FBN2: variants seen among roughly 807,000 people sequenced by gnomAD.
The protein encoded by FBN2 is fibrillin-2.
A neutral mutation model predicts 355.6 loss-of-function variants in FBN2; 105 were observed. That is an observed-to-expected ratio of 0.30 (90% CI 0.25 to 0.35). The LOEUF is 0.35. FBN2 is among the 10% of genes least tolerant of loss of function. The pLI is 1.00. For missense variants in FBN2, 3,280 were observed against 3,758.7 expected (o/e 0.87, Z 3.33); for synonymous variants, 1,350 against 1,301.2 (o/e 1.04, Z -0.81).
intron 7 of FBN2, among the ~76,000 whole-genome samples, chr5:128,424,740 C>A (rs911088701): frequency 6.6e-6 from 1 of 152,096 alleles, no homozygotes; most frequent in Admixed American, 6.5e-5. Context: ...ATGAAAGGTT[C>A]CCTTTTGGCC....
chr5:128,505,364 G>A (rs144400999), intron 5 of FBN2, among the ~76,000 whole-genome samples: 37 of 152,246 alleles, frequency 2.4e-4, no homozygotes, highest in Admixed American at 1.4e-3. Context: ...CTAACCACAA[G>A]TAGAAAAAAA....
At chr5:128,279,995 A>G (rs1398804823) in intron 56 of FBN2, among the ~76,000 whole-genome samples, 197 bp downstream of exon 56, 1 of 152,234 alleles carries the variant, frequency 6.6e-6, no homozygotes, top group East Asian at 1.9e-4. Context: ...TTTACATTAC[A>G]CATAGATGTG....
At chr5:128,522,566 C>T (rs915531643) in intron 4 of FBN2, among the ~76,000 whole-genome samples, 1 of 152,100 alleles carries the variant, frequency 6.6e-6, no homozygotes, top group African/African-American at 2.4e-5. Flanking sequence ...AACTATAGAA[C>T]ATTTGTACGA....
intron 8 of FBN2, among the ~76,000 whole-genome samples, chr5:128,405,032 G>C (rs375487867): frequency 6.6e-6 from 1 of 152,172 alleles, no homozygotes; most frequent in South Asian, 2.1e-4. Context: ...ATTAGCCAGC[G>C]TAGTGGTGGG....
intron 33 of FBN2, among the ~76,000 whole-genome samples, chr5:128,330,340 A>C (rs1318253431): frequency 6.6e-6 from 1 of 152,240 alleles, no homozygotes; most frequent in African/African-American, 2.4e-5. Flanking sequence ...AGTCATTAAC[A>C]GTACATGATT....
Position 128,291,614 on chromosome 5 carries a change from A to C in FBN2, c.6207T>G (p.Phe2069Leu), listed in dbSNP as rs1749324874. Residue 2069 changes from phenylalanine (F) to leucine (L), a missense_variant, in exon 49 of 65, where the codon TTT (phenylalanine) becomes TTG (leucine). Transcript: ENST00000262464. ...ECDEDPNICLFGSCTNTPGGF... is the reference protein window; with the variant it reads ...ECDEDPNICLLGSCTNTPGGF... ...CCCCTGGAGTATTAGTACAGGAACC[A>C]AAAAGACAAATGTTGGGATCTTCAT... 6.2e-7 allele frequency: 1 copy of C among 1,613,248 alleles called. No individual in the cohort carries two copies. The highest frequency in any genetic ancestry group is 8.5e-7 in the Non-Finnish European group (1 of 1,179,332).
At chr5:128,357,096 G>A (rs1751520197) in intron 20 of FBN2, among the ~76,000 whole-genome samples, 180 bp downstream of exon 20, 1 of 152,120 alleles carries the variant, frequency 6.6e-6, no homozygotes, top group African/African-American at 2.4e-5. Flanking sequence ...AAATTGAATA[G>A]GCTGCCTAAT....
At chr5:128,461,911 A>G (rs1218351410) in intron 6 of FBN2, among the ~76,000 whole-genome samples, 1 of 152,212 alleles carries the variant, frequency 6.6e-6, no homozygotes, top group Non-Finnish European at 1.5e-5. Flanking sequence ...ACCATGGTAC[A>G]CATATACTCC....
chr5:128,486,366 C>A (rs1452314467), intron 5 of FBN2, among the ~76,000 whole-genome samples: 1 of 152,074 alleles, frequency 6.6e-6, no homozygotes, highest in Non-Finnish European at 1.5e-5. Flanking sequence ...ACCCCATTGA[C>A]AACTAATCAA....
intron 51 of FBN2, among the ~76,000 whole-genome samples, chr5:128,289,610 A>G (rs1749262386): frequency 6.6e-6 from 1 of 152,024 alleles, no homozygotes; most frequent in Admixed American, 6.6e-5. Flanking sequence ...AATAAATAAA[A>G]TAAAAATAAA....
In FBN2 at chr5:128,368,435, C is replaced by CATATATACATATATATACACATATATAT. The variant is rs1163347083; in HGVS notation, c.2248+746_2248+747insATATATATGTGTATATATATGTATATAT. Among the ~76,000 whole-genome samples, 14 of 136,960 alleles carry CATATATACATATATATACACATATATAT rather than the reference C, an allele frequency of 1.0e-4. No individual in the cohort carries two copies. In the East Asian group the frequency reaches 1.5e-3, roughly 15 times the overall value. 89.9% of individuals were successfully genotyped at this position (136,960 alleles called of 152,430 possible). A position where few individuals can be genotyped will look rare whatever the true frequency, so the allele number is the denominator to read the frequency against. On this transcript the variant is annotated intron_variant, in intron 16 of 64. Coordinates refer to ENST00000262464, the MANE Select transcript of FBN2 (RefSeq NM_001999.4). The stretch of plus-strand genomic sequence containing the variant: ...GTGTGTGTGTGTATATATATATATA[C>CATATATACATATATATACACATATATAT]ACATATATACATATATATACACATA...
At chr5:128,456,311 C>T (rs1754393133) in intron 6 of FBN2, among the ~76,000 whole-genome samples, 1 of 152,100 alleles carries the variant, frequency 6.6e-6, no homozygotes, top group Non-Finnish European at 1.5e-5. Context: ...GGCCTGAGCC[C>T]CTAGGGGGAG....
intron 5 of FBN2, among the ~76,000 whole-genome samples, chr5:128,505,958 T>C (rs1755947732): frequency 6.6e-6 from 1 of 152,178 alleles, no homozygotes. Flanking sequence ...AGTTTTTGTA[T>C]GAATATAAGC....
intron 8 of FBN2, 28 bp downstream of exon 8, chr5:128,408,646 T>C: frequency 6.2e-7 from 1 of 1,613,614 alleles, no homozygotes; most frequent in Non-Finnish European, 8.5e-7. Context: ...AGACCCAGTG[T>C]ATTGAGCCTT....
intron 48 of FBN2, among the ~76,000 whole-genome samples, chr5:128,298,838 G>A (rs191726564): frequency 6.6e-5 from 10 of 152,302 alleles, no homozygotes; most frequent in African/African-American, 1.4e-4. Context: ...CTCTCAGCTC[G>A]TCAAAGTTAT....
intron 21 of FBN2, 35 bp downstream of exon 21, chr5:128,350,833 A>G: frequency 8.1e-6 from 13 of 1,612,958 alleles, no homozygotes; most frequent in Non-Finnish European, 1.1e-5. Flanking sequence ...GAAGTTTCCA[A>G]GGAGAAGCCC....
Position 128,468,503 on chromosome 5 carries a change from T to G in FBN2, c.629-3582A>C, listed in dbSNP as rs542330914. Among the ~76,000 whole-genome samples, 3 of 152,358 alleles carry G rather than the reference T, an allele frequency of 2.0e-5. No homozygotes were observed. In the East Asian group the frequency reaches 5.8e-4, roughly 29 times the overall value. On this transcript the variant is annotated intron_variant, in intron 5 of 64. Coordinates refer to ENST00000262464, the MANE Select transcript of FBN2 (RefSeq NM_001999.4). The stretch of plus-strand genomic sequence containing the variant: ...ATTTAACTTTCTAAGAAACTGTTAT[T>G]TGACAAATATACATTTAACTTTCTA...
At chr5:128,325,718 TTA>T (rs1750526342) in intron 34 of FBN2, among the ~76,000 whole-genome samples, 3 of 152,342 alleles carry the variant, frequency 2.0e-5, no homozygotes, top group South Asian at 4.1e-4. Context: ...ATACTGATGT[TTA>T]TAGTTTTTGT....
chr5:128,413,528 C>T lies in FBN2; in HGVS notation c.953-4729G>A, dbSNP rs530988189. Among the ~76,000 whole-genome samples the T allele has an allele frequency of 2.0e-5, 3 of 152,260 alleles. No individual in the cohort carries two copies. In the South Asian group the frequency reaches 6.2e-4, roughly 32 times the overall value. ...TTTAAAAAAGGAAATCCAATCTAAA[C>T]AAAACCATCTGACAGATTTCTGACT... On this transcript the variant is annotated intron_variant, in intron 7 of 64. Transcript: ENST00000262464.
Sources: allele counts gnomAD v4.1 joint callset (sites outside exome capture counted in the v4.1 genomes callset), GRCh38; gene constraint gnomAD v4.1.1; transcripts MANE v1.5; gene names NCBI Gene and HGNC (gene_info 2026-07-23, HGNC 2026-07-21).